Variants in DGLUCY observed in about 807,000 individuals in gnomAD.
DGLUCY encodes D-glutamate cyclase, mitochondrial.
In DGLUCY, 58 loss-of-function variants were observed where a neutral mutation model predicts 58.5. The observed-to-expected ratio is 0.99, with a 90% CI of 0.80 to 1.23. The LOEUF (loss-of-function observed/expected upper bound fraction) is 1.23, where lower values mean the gene tolerates loss of function less well. DGLUCY is among the 50% of genes most tolerant of loss of function. DGLUCY has a pLI of 0.00. For synonymous variants in DGLUCY, 325 were observed against 314.1 expected (o/e 1.03, Z -0.37); for missense variants, 779 against 784.7 (o/e 0.99, Z 0.09).
rs900963627 is a variant in DGLUCY, at chr14:91,087,924, A to G, written c.-82+27220A>G. On this transcript the variant is annotated intron_variant, in intron 1 of 4. Transcript: ENST00000521334. ...AGGGAACAAGAAATGCTTTTCTAACACGGGAAAGACAGACCTGTAGCCAGC... is the reference window on the plus strand; with the variant it reads ...AGGGAACAAGAAATGCTTTTCTAACGCGGGAAAGACAGACCTGTAGCCAGC... Among the ~76,000 whole-genome samples the G allele has an allele frequency of 3.3e-5, 5 of 152,338 alleles. No homozygotes were observed. In the East Asian group the frequency reaches 9.6e-4, roughly 29 times the overall value.
Position 91,225,017 on chromosome 14 carries a change from A to C in DGLUCY, c.*184A>C. The stretch of plus-strand genomic sequence containing the variant: ...AGGGGTTAGTGCAGGTGCTGTGGAC[A>C]AAGGACAACATTTCTCTGGGGCTTT... On this transcript the variant is annotated 3_prime_UTR_variant, in exon 14 of 14. Transcript: ENST00000256324. 1 of 535,010 alleles carries C rather than the reference A, an allele frequency of 1.9e-6. No homozygotes were observed. Among genetic ancestry groups the C allele is most frequent in the Non-Finnish European group, 3.0e-6 (1 of 328,766 alleles). 33.1% of individuals were successfully genotyped at this position (535,010 alleles called of 1,614,324 possible).
At chr14:91,217,592 C>T (rs570534486) in intron 13 of DGLUCY, among the ~76,000 whole-genome samples, 4 of 151,392 alleles carry the variant, frequency 2.6e-5, no homozygotes, top group South Asian at 2.1e-4. Flanking sequence ...TCAAGCAACT[C>T]TCCTGCCTTA....
chr14:91,196,560 C>G (rs2050228440), intron 10 of DGLUCY, 86 bp downstream of exon 10: 2 of 1,119,986 alleles, frequency 1.8e-6, no homozygotes, highest in South Asian at 1.3e-5. Flanking sequence ...TCTGCACACC[C>G]AAGCCCTTCA....
chr14:91,074,160 C>CACAT lies in DGLUCY; in HGVS notation c.-82+13457_-82+13458insCATA, dbSNP rs1453975330. On this transcript the variant is annotated intron_variant, in intron 1 of 4. Transcript: ENST00000521334. ...ACACACACACACACACACACACACACAGTCAAGCACCTGTATTCCCAGCTA... is the reference window on the plus strand; with the variant it reads ...ACACACACACACACACACACACACACACATAGTCAAGCACCTGTATTCCCAGCTA... Among the ~76,000 whole-genome samples, 499 of 136,008 alleles carry CACAT rather than the reference C, an allele frequency of 3.7e-3. 9 individuals carry two copies. Among genetic ancestry groups the CACAT allele is most frequent in the Middle Eastern group, 7.6e-3 (2 of 262 alleles). The allele number at this position is 136,008 out of a possible 152,430, so 89.2% of individuals were successfully genotyped here. A position where few individuals can be genotyped will look rare whatever the true frequency, so the allele number is the denominator to read the frequency against.
chr14:91,082,719 G>A (rs1452613734), intron 1 of DGLUCY, among the ~76,000 whole-genome samples: 2 of 152,126 alleles, frequency 1.3e-5, no homozygotes, highest in Non-Finnish European at 2.9e-5. Context: ...GGCCTTTGGT[G>A]AATGTGTTAG....
At chr14:91,119,447 T>A (rs986031013) in intron 1 of DGLUCY, among the ~76,000 whole-genome samples, 1 of 152,220 alleles carries the variant, frequency 6.6e-6, no homozygotes, top group Admixed American at 6.5e-5. Context: ...TTGGTACCAC[T>A]GTGCTCCCAT....
chr14:91,099,924 C>A (rs901227069), intron 1 of DGLUCY, among the ~76,000 whole-genome samples: 1 of 151,974 alleles, frequency 6.6e-6, no homozygotes, highest in Non-Finnish European at 1.5e-5. Context: ...CATGGTGGCA[C>A]ATGCCTGTAA....
At chr14:91,078,721 A>C (rs758556347) in intron 1 of DGLUCY, among the ~76,000 whole-genome samples, 31 of 152,176 alleles carry the variant, frequency 2.0e-4, no homozygotes, top group Non-Finnish European at 4.3e-4. Flanking sequence ...TGGTCTTCAA[A>C]GTAATTCATT....
exon 1 of DGLUCY, chr14:91,060,467 A>G: frequency 7.2e-7 from 1 of 1,392,328 alleles, no homozygotes; most frequent in Non-Finnish European, 9.5e-7. Flanking sequence ...GCGGGTCGCT[A>G]CGAGGGGAAC....
At chr14:91,177,582 C>G (rs887380072) in intron 7 of DGLUCY, among the ~76,000 whole-genome samples, 7 of 152,202 alleles carry the variant, frequency 4.6e-5, no homozygotes, top group Admixed American at 1.3e-4. Context: ...AGGAAGGTGA[C>G]AGAAACATGA....
intron 1 of DGLUCY, among the ~76,000 whole-genome samples, chr14:91,084,496 C>A (rs112027443): frequency 6.6e-6 from 1 of 152,096 alleles, no homozygotes; most frequent in Non-Finnish European, 1.5e-5. Context: ...TGAGCCACCA[C>A]GCCCAGCCCA....
upstream of DGLUCY, among the ~76,000 whole-genome samples, chr14:91,106,385 A>G (rs2044590463): frequency 6.6e-6 from 1 of 151,914 alleles, no homozygotes; most frequent in Non-Finnish European, 1.5e-5. Context: ...TATATGGCAC[A>G]TGACTGTATT....
chr14:91,196,453 A>G lies in DGLUCY; in HGVS notation c.1274A>G (p.Asn425Ser), dbSNP rs555705095. The part of the protein sequence containing the change: ...VEAAQAFLCK[N>S]GDPQTPRFDH... The stretch of plus-strand genomic sequence containing the variant: ...GCTGCTCAGGCATTCCTGTGCAAAA[A>G]TGGGGACCCGCAGACACCTAGGTAC... Residue 425 changes from asparagine to serine, a missense_variant, in exon 10 of 14, where the codon AAT (asparagine) becomes AGT (serine). By Grantham distance (46) the Asn-to-Ser change is conservative. Transcript: ENST00000256324. 1.2e-6 allele frequency: 2 copies of G among 1,614,168 alleles called. No individual in the cohort carries two copies. The highest frequency in any genetic ancestry group is 2.2e-5 in the East Asian group (1 of 44,882).
intron 1 of DGLUCY, chr14:91,126,437 G>C (rs1270593681): frequency 4.5e-6 from 1 of 223,780 alleles, no homozygotes; most frequent in Non-Finnish European, 9.5e-6. Context: ...GGTGTGCTCA[G>C]AGCAGGGGGC....
chr14:91,196,924 A>G (rs1380140105), intron 10 of DGLUCY, among the ~76,000 whole-genome samples: 1 of 152,282 alleles, frequency 6.6e-6, no homozygotes, highest in East Asian at 1.9e-4. Flanking sequence ...GACTGTGTAC[A>G]TGCAAGTGTG....
intron 1 of DGLUCY, among the ~76,000 whole-genome samples, chr14:91,084,370 A>AT (rs1187327784): frequency 1.3e-4 from 19 of 151,772 alleles, no homozygotes; most frequent in Non-Finnish European, 2.5e-4. Context: ...TGCTCGGCTA[A>AT]TTTTTTATAT....
intron 6 of DGLUCY, 174 bp from the exon 7 acceptor site, chr14:91,175,760 A>G: frequency 1.7e-6 from 1 of 598,026 alleles, no homozygotes; most frequent in Non-Finnish European, 2.9e-6. Context: ...ATTATGGAGT[A>G]GCCTGAGTTG....
intron 1 of DGLUCY, among the ~76,000 whole-genome samples, chr14:91,153,567 G>A (rs1483798504): frequency 6.6e-6 from 1 of 152,302 alleles, no homozygotes; most frequent in South Asian, 2.1e-4. Context: ...AGATGGAAAG[G>A]CTTGTCTTCT....
chr14:91,117,656 CACACAT>C lies in DGLUCY; in HGVS notation c.-82+3379_-82+3384del, dbSNP rs1391798859. Among the ~76,000 whole-genome samples the C allele has an allele frequency of 8.8e-3, 1,232 of 139,322 alleles. 9 individuals are homozygous for C. The highest frequency in any genetic ancestry group is 0.02 in the South Asian group (89 of 4,492). 91.4% of individuals were successfully genotyped at this position (139,322 alleles called of 152,430 possible). A position where few individuals can be genotyped will look rare whatever the true frequency, so the allele number is the denominator to read the frequency against. On this transcript the variant is annotated intron_variant, in intron 1 of 13. Transcript: ENST00000256324. ...AAGCTTTTGTTCACATACACACACACACACATACACACACACACACACACACACACG... is the reference window on the plus strand; with the variant it reads ...AAGCTTTTGTTCACATACACACACACACACACACACACACACACACACACG...
Sources: gnomAD v4.1 joint callset for allele counts (sites outside exome capture counted in the v4.1 genomes callset) on GRCh38, gnomAD v4.1.1 for gene constraint, MANE v1.5 for transcripts, NCBI Gene and HGNC (gene_info 2026-07-23, HGNC 2026-07-21) for gene names.